ZNF540: variants seen among roughly 807,000 people sequenced by gnomAD.
ZNF540 encodes CTD-3064H18.6.
ZNF540 carries 3 observed loss-of-function variants against 11.8 expected under a neutral mutation model. The ratio of observed to expected loss-of-function variants is 0.25; its 90% CI spans 0.12 to 0.65. The LOEUF is 0.65. Ranked by LOEUF, ZNF540 falls within the 30% of genes least tolerant of loss-of-function variation. The pLI is 0.83. For missense variants in ZNF540, 709 were observed against 793.1 expected (o/e 0.89, Z 1.27); for synonymous variants, 247 against 259.0 (o/e 0.95, Z 0.45).
intron 2 of ZNF540, 131 bp from the exon 3 acceptor site, chr19:37,599,495 A>G: frequency 9.5e-7 from 1 of 1,053,352 alleles, no homozygotes; most frequent in Admixed American, 2.8e-5. Context: ...TATCTTTATC[A>G]TAAGCTTTCA....
intron 1 of ZNF540, chr19:37,564,913 C>T (rs777265668): frequency 1.2e-6 from 2 of 1,613,966 alleles, no homozygotes; most frequent in Non-Finnish European, 1.7e-6. Flanking sequence ...TGTCACATTC[C>T]TTACATTTGT....
intron 1 of ZNF540, chr19:37,556,215 G>A: frequency 1.5e-6 from 1 of 661,996 alleles, no homozygotes; most frequent in East Asian, 2.7e-5. Context: ...GGAGGTACTG[G>A]CCCTCCAAGT....
In ZNF540 at chr19:37,612,515, C is replaced by T. The variant is rs757520605; in HGVS notation, c.1235C>T (p.Ala412Val). 1.2e-6 allele frequency: 2 copies of T among 1,614,060 alleles called. No individual in the cohort carries two copies. The highest frequency in any genetic ancestry group is 1.7e-6 in the Non-Finnish European group (2 of 1,180,012). ...ATCCATACTGGTATAAAACCTTTTG[C>T]ATGTAAGGTGTGTGAGAAGGCTTTT... is the stretch of plus-strand genomic sequence containing the variant. ...KTIHTGIKPF[A>V]CKVCEKAFSY... The change falls in exon 5 of 5, where the codon GCA becomes GTA. Residue 412 changes from alanine to valine, a missense_variant. Physicochemically the swap from Ala to Val is moderately conservative, Grantham distance 64 (BLOSUM62 0). Coordinates refer to ENST00000316433, the MANE Select transcript of ZNF540 (RefSeq NM_001172225.3).
intron 1 of ZNF540, among the ~76,000 whole-genome samples, chr19:37,576,531 T>C (rs530360243): frequency 1.3e-5 from 2 of 152,316 alleles, no homozygotes; most frequent in African/African-American, 4.8e-5. Flanking sequence ...GACTAAGTTA[T>C]ACTAATTTTC....
At chr19:37,611,411 G>A in intron 4 of ZNF540, 102 bp from the exon 5 acceptor site, 1 of 908,446 alleles carries the variant, frequency 1.1e-6, no homozygotes, top group Non-Finnish European at 1.6e-6. Flanking sequence ...CTGACTTCTA[G>A]TAAGAACCGT....
chr19:37,587,592 C>CT (rs199760691), intron 1 of ZNF540, among the ~76,000 whole-genome samples: 1,530 of 144,746 alleles, frequency 0.011, 8 homozygotes, highest in South Asian at 0.015. Context: ...TAGCACTGAT[C>CT]TTTTTTTTTT....
At chr19:37,585,725 C>T (rs1394936216) in intron 1 of ZNF540, 3 of 152,104 alleles carry the variant, frequency 2.0e-5, no homozygotes, top group Non-Finnish European at 1.5e-5. Context: ...ACCTGAATTT[C>T]GTTACAAAAC....
chr19:37,565,523 C>T lies in ZNF540; in HGVS notation c.-73+13858C>T, dbSNP rs1307312030. 2.5e-6 allele frequency: 4 copies of T among 1,612,172 alleles called. No homozygotes were observed. In the South Asian group the frequency reaches 3.3e-5, roughly 13 times the overall value. ...CTTACACTCATAAGGTTTCTCACCA[C>T]TATGAATTCTCTGATGGTAAGTAAG... On this transcript the variant is annotated intron_variant, in intron 1 of 4. Coordinates refer to the ZNF540 transcript ENST00000592533.
chr19:37,586,729 G>C, intron 1 of ZNF540: 1 of 1,609,368 alleles, frequency 6.2e-7, no homozygotes, highest in South Asian at 1.1e-5. Flanking sequence ...GGTGTGCAAA[G>C]TCCAGAGAAG....
Position 37,613,678 on chromosome 19 carries a change from CATT to C in ZNF540, c.*423_*425del. On this transcript the variant is annotated 3_prime_UTR_variant, in exon 5 of 5. Transcript: ENST00000316433. ...ATATTACTGTTTTTATTATCATCAA[CATT>C]ATTATTAGTGGATTTCTTAATAGGA... is the stretch of plus-strand genomic sequence containing the variant. The C allele has an allele frequency of 2.5e-6, 1 of 397,214 alleles. No homozygotes were observed. Among genetic ancestry groups the C allele is most frequent in the South Asian group, 1.4e-4 (1 of 7,188 alleles). The allele number at this position is 397,214 out of a possible 1,614,324, so 24.6% of individuals were successfully genotyped here.
At chr19:37,606,914 CT>C (rs1339624484) in intron 4 of ZNF540, among the ~76,000 whole-genome samples, 5 of 151,728 alleles carry the variant, frequency 3.3e-5, no homozygotes, top group African/African-American at 7.3e-5. Context: ...CCAAATGTAT[CT>C]TTTTTTTCTT....
intron 1 of ZNF540, chr19:37,585,408 C>A (rs2043635873): frequency 6.6e-6 from 1 of 152,208 alleles, no homozygotes; most frequent in Non-Finnish European, 1.5e-5. Context: ...AATATGCAGA[C>A]TAACAACTCT....
Position 37,564,947 on chromosome 19 carries a change from C to A in ZNF540, c.-73+13282C>A, listed in dbSNP as rs115333821. ...GTAGGGCTTTTCACCTGTATGAATTCTTTGATGATATGTAAGTTGTGTAGC... is the reference window on the plus strand; with the variant it reads ...GTAGGGCTTTTCACCTGTATGAATTATTTGATGATATGTAAGTTGTGTAGC... On this transcript the variant is annotated intron_variant, in intron 1 of 4. Transcript: ENST00000592533. 474 of 1,613,912 alleles carry A rather than the reference C, an allele frequency of 2.9e-4. 1 individual carries two copies. The African/African-American group carries it at 5.1e-3, about 17-fold the overall frequency.
intron 4 of ZNF540, among the ~76,000 whole-genome samples, chr19:37,605,387 T>C (rs1824796): frequency 0.76 from 115,526 of 151,900 alleles, 44,018 homozygotes; most frequent in South Asian, 0.87. Context: ...CGGTGGCTCA[T>C]GCCTGTAATC....
chr19:37,591,878 G>T (rs2043878784), upstream of ZNF540, among the ~76,000 whole-genome samples: 1 of 151,956 alleles, frequency 6.6e-6, no homozygotes, highest in African/African-American at 2.4e-5. Flanking sequence ...AATACTTGAT[G>T]AAAAAAAGTT....
intron 1 of ZNF540, among the ~76,000 whole-genome samples, chr19:37,598,156 A>T (rs2044010701): frequency 6.6e-6 from 1 of 152,134 alleles, no homozygotes; most frequent in Non-Finnish European, 1.5e-5. Flanking sequence ...CTGCTGAAAT[A>T]TTGGTCATGT....
chr19:37,568,325 C>T (rs1172797209), intron 1 of ZNF540, among the ~76,000 whole-genome samples: 3 of 150,786 alleles, frequency 2.0e-5, no homozygotes, highest in African/African-American at 7.3e-5. Flanking sequence ...CTACCCCCCC[C>T]CACTTGCCAT....
At chr19:37,584,729 G>A (rs565771265) in intron 1 of ZNF540, among the ~76,000 whole-genome samples, 4 of 152,158 alleles carry the variant, frequency 2.6e-5, no homozygotes, top group South Asian at 2.1e-4. Context: ...TTGGGAGGCC[G>A]AGGCGGGCGG....
At chr19:37,561,754 T>A (rs753254790) in intron 1 of ZNF540, among the ~76,000 whole-genome samples, 46 of 152,240 alleles carry the variant, frequency 3.0e-4, no homozygotes, top group Non-Finnish European at 4.3e-4. Context: ...GTATGTTTGA[T>A]GGTAGAAGGG....
Sources: allele counts gnomAD v4.1 joint callset (sites outside exome capture counted in the v4.1 genomes callset), GRCh38; gene constraint gnomAD v4.1.1; transcripts MANE v1.5; gene names NCBI Gene and HGNC (gene_info 2026-07-23, HGNC 2026-07-21).